COL6A6: variants seen among roughly 807,000 people sequenced by gnomAD.
COL6A6 encodes the protein collagen type VI alpha 6 chain.
COL6A6 carries 183 observed loss-of-function variants against 208.6 expected under a neutral mutation model. That is an observed-to-expected ratio of 0.88 (90% CI 0.78 to 0.99). The LOEUF (loss-of-function observed/expected upper bound fraction) is 0.99. Among genes scored for constraint, COL6A6 ranks in the 50% least tolerant of loss-of-function variants. The pLI, the probability that COL6A6 is intolerant of heterozygous loss-of-function variation, is 0.00. For synonymous variants in COL6A6, 973 were observed against 1,011.8 expected, an observed-to-expected ratio of 0.96 and a Z score of 0.73; for missense variants, 2,816 against 2,815.2, an observed-to-expected ratio of 1.00 and a Z score of -0.01.
At chr3:130,563,016 G>A in intron 2 of COL6A6, 52 bp from the exon 3 acceptor site, 1 of 1,313,412 alleles carries the variant, frequency 7.6e-7, no homozygotes, top group Non-Finnish European at 1.1e-6. Flanking sequence ...ATTAAATATG[G>A]CAGTAAATTT....
At position 130,581,600 on chromosome 3, in the gene COL6A6, C is replaced by T. The variant is rs1374290177; in HGVS notation, c.3587C>T (p.Thr1196Ile). 1 of 1,613,204 alleles carries T rather than the reference C, an allele frequency of 6.2e-7. No individual in the cohort carries two copies. The highest frequency in any genetic ancestry group is 8.5e-7 in the Non-Finnish European group (1 of 1,179,418). ...GTTGTGGTGGGATTTGATGTCTCAA[C>T]TCAGGAGAAAGGGCAGACTTTGCTT... ...VDVVVGFDVS[T>I]QEKGQTLLEG... is the part of the protein sequence containing the mutation. Residue 1196 changes from threonine (T) to isoleucine (I), a missense_variant, in exon 9 of 37, where the codon ACT (threonine) becomes ATT (isoleucine). Physicochemically the swap from Thr to Ile is moderately conservative, Grantham distance 89 (BLOSUM62 -1). Transcript: ENST00000358511.
intron 1 of COL6A6, among the ~76,000 whole-genome samples, chr3:130,548,665 G>A (rs1427379998): frequency 6.6e-6 from 1 of 152,224 alleles, no homozygotes; most frequent in Non-Finnish European, 1.5e-5. Context: ...TTCACTGTGA[G>A]TTCCCAGTAG....
At position 130,649,105 on chromosome 3, in the gene COL6A6, T is replaced by C. The variant is rs769435967; in HGVS notation, c.5276T>C (p.Val1759Ala). 6.3e-7 allele frequency: 1 copy of C among 1,576,014 alleles called. No homozygotes were observed. The highest frequency in any genetic ancestry group is 8.6e-7 in the Non-Finnish European group (1 of 1,160,240). The change falls in exon 33 of 37, where the codon GTG becomes GCG. Residue 1759 changes from valine (V) to alanine (A), a missense_variant. Val to Ala is a moderately conservative substitution (Grantham distance 64, BLOSUM62 0). Coordinates refer to ENST00000358511, the MANE Select transcript of COL6A6 (RefSeq NM_001102608.3). ...TGCCCAGTGCACCCAACCGAGTTGG[T>C]GTTTGCCCTGGACCACTCCCGGGAT... Reference protein sequence around the residue: ...PECPVHPTELVFALDHSRDVT... With the variant: ...PECPVHPTELAFALDHSRDVT...
rs1174341481 is a variant in COL6A6 at position 130,643,020 on chromosome 3, A to C, written c.5224A>C (p.Ser1742Arg). The part of the protein sequence containing the change: ...CELIQYVRDR[S>R]PGRHGKPECP... ...GCTCATTCAGTATGTGCGAGACCGC[A>C]GTCGTAAGTACCCTGCTTAAAATGA... The change falls in exon 31 of 37, where the codon AGT becomes CGT. Residue 1742 changes from serine to arginine, a missense_variant. Ser to Arg is a moderately radical substitution (Grantham distance 110). Coordinates refer to ENST00000358511, the MANE Select transcript of COL6A6 (RefSeq NM_001102608.3). 2 of 1,613,668 alleles carry C rather than the reference A, an allele frequency of 1.2e-6. No individual in the cohort carries two copies. The highest frequency in any genetic ancestry group is 1.7e-6 in the Non-Finnish European group (2 of 1,179,614).
intron 1 of COL6A6, among the ~76,000 whole-genome samples, chr3:130,531,015 TAC>T (rs58738761): frequency 0.72 from 103,988 of 143,500 alleles, 39,427 homozygotes; most frequent in Non-Finnish European, 0.84. Context: ...CCCCCTCCTC[TAC>T]ACACACACAC....
chr3:130,657,020 AGCCGCAGCCAGAC>A (rs2065808900), intron 33 of COL6A6, among the ~76,000 whole-genome samples: 1 of 152,264 alleles, frequency 6.6e-6, no homozygotes, highest in South Asian at 2.1e-4. Flanking sequence ...CTGGGCCCAC[AGCCGCAGCCAGAC>A]GGCTGCAACT....
intron 1 of COL6A6, among the ~76,000 whole-genome samples, chr3:130,545,536 C>G (rs62282894): frequency 2.0e-5 from 3 of 151,668 alleles, no homozygotes; most frequent in African/African-American, 7.3e-5. Context: ...TCACTGCAAC[C>G]TCCGCCTCCC....
rs2062999101 is a variant in COL6A6 at position 130,565,573 on chromosome 3, C to G, written c.1241C>G (p.Thr414Arg). 2 of 1,613,592 alleles carry G rather than the reference C, an allele frequency of 1.2e-6. No individual in the cohort carries two copies. Among genetic ancestry groups the G allele is most frequent in the Non-Finnish European group, 1.7e-6 (2 of 1,179,674 alleles). Reference sequence around the variant, plus strand: ...AAGCTGCGGAACCAAATAACACACACAGTCTCTGTCTTTTCAGAGAGGACT... The same window carrying G: ...AAGCTGCGGAACCAAATAACACACAGAGTCTCTGTCTTTTCAGAGAGGACT... The part of the protein sequence containing the change: ...LKKLRNQITH[T>R]VSVFSERTET... Residue 414 changes from threonine (T) to arginine (R), a missense_variant, in exon 4 of 37, where the codon ACA becomes AGA. Physicochemically the swap from Thr to Arg is moderately conservative, Grantham distance 71. Transcript: ENST00000358511.
chr3:130,596,109 G>A (rs1429485653), intron 18 of COL6A6, among the ~76,000 whole-genome samples: 1 of 152,010 alleles, frequency 6.6e-6, no homozygotes, highest in Admixed American at 6.5e-5. Flanking sequence ...ACATGTAAAT[G>A]TTAGGCAACT....
chr3:130,663,284 T>C (rs1293898664), intron 35 of COL6A6, among the ~76,000 whole-genome samples: 1 of 152,186 alleles, frequency 6.6e-6, no homozygotes, highest in African/African-American at 2.4e-5. Context: ...GAACCAGTAG[T>C]ACCAGTGTCA....
intron 28 of COL6A6, 32 bp downstream of exon 28, chr3:130,635,793 C>G: frequency 6.7e-7 from 1 of 1,502,296 alleles, no homozygotes; most frequent in Non-Finnish European, 9.2e-7. Context: ...TGCTGACAAC[C>G]TCACTACATT....
At chr3:130,658,627 C>A in intron 33 of COL6A6, 49 bp from the exon 34 acceptor site, 1 of 1,258,382 alleles carries the variant, frequency 7.9e-7, no homozygotes, top group Non-Finnish European at 1.1e-6. Context: ...CTAAGAGGTT[C>A]TTGCAGCCCT....
At chr3:130,622,886 G>A (rs549357247) in intron 24 of COL6A6, among the ~76,000 whole-genome samples, 1 of 151,772 alleles carries the variant, frequency 6.6e-6, no homozygotes, top group South Asian at 2.1e-4. Flanking sequence ...CTTTAAGCAG[G>A]ACTTAGAAGA....
chr3:130,562,503 A>G, intron 2 of COL6A6, among the ~76,000 whole-genome samples: 1 of 152,140 alleles, frequency 6.6e-6, no homozygotes, highest in East Asian at 1.9e-4. Context: ...TTTATGATTT[A>G]TAGATTTTTT....
chr3:130,673,432 T>C (rs116669888), intron 36 of COL6A6, among the ~76,000 whole-genome samples: 18 of 125,396 alleles, frequency 1.4e-4, no homozygotes, highest in Admixed American at 8.8e-5. Context: ...AAACCTGCCA[T>C]AAAAGAAAAC....
chr3:130,521,833 A>C (rs1289051245), intron 1 of COL6A6, among the ~76,000 whole-genome samples: 1 of 152,182 alleles, frequency 6.6e-6, no homozygotes. Flanking sequence ...AGGTGAGGCA[A>C]CTTTTGAGGT....
intron 1 of COL6A6, among the ~76,000 whole-genome samples, chr3:130,550,689 G>A (rs1190608048): frequency 6.6e-6 from 1 of 152,116 alleles, no homozygotes; most frequent in Non-Finnish European, 1.5e-5. Context: ...AGAATAGCAA[G>A]GGAAAGACCA....
chr3:130,603,996 A>G (rs1340729742), intron 20 of COL6A6, among the ~76,000 whole-genome samples: 1 of 152,192 alleles, frequency 6.6e-6, no homozygotes, highest in East Asian at 1.9e-4. Context: ...CTGTTTAAAG[A>G]TAAGTCAGGT....
intron 32 of COL6A6, among the ~76,000 whole-genome samples, chr3:130,647,410 C>A (rs978345899): frequency 6.6e-6 from 1 of 152,104 alleles, no homozygotes; most frequent in Admixed American, 6.5e-5. Flanking sequence ...AACCACCCCC[C>A]AAAAAATCAG....
Sources: gnomAD v4.1 joint callset for allele counts (sites outside exome capture counted in the v4.1 genomes callset) on GRCh38, gnomAD v4.1.1 for gene constraint, MANE v1.5 for transcripts, NCBI Gene and HGNC (gene_info 2026-07-23, HGNC 2026-07-21) for gene names.